Variants in DMD observed in about 807,000 individuals in gnomAD.
DMD encodes mutant dystrophin.
DMD carries 63 observed loss-of-function variants against 330.1 expected under a neutral mutation model. That is an observed-to-expected ratio of 0.19 (90% confidence interval 0.16 to 0.24). The LOEUF (loss-of-function observed/expected upper bound fraction) is 0.24, where lower values mean the gene tolerates loss of function less well. Ranked by LOEUF, DMD falls within the 10% of genes least tolerant of loss-of-function variation. DMD has a pLI of 1.00. For synonymous variants in DMD, 1,223 were observed against 959.8 expected, an observed-to-expected ratio of 1.27 and a Z score of -5.07; for missense variants, 3,344 against 2,684.1, an observed-to-expected ratio of 1.25 and a Z score of -5.43.
chrX:31,779,074 A>G (rs987526701), intron 50 of DMD, among the ~76,000 whole-genome samples: 7 of 111,837 alleles, frequency 6.3e-5, no homozygotes, highest in African/African-American at 2.3e-4. Flanking sequence ...TCACAGTTCT[A>G]AGGGTCAGGC....
rs1477368756 is a variant in DMD, at chrX:33,009,292, ATATGTG to A, written c.93+10841_93+10846del. ...TATATACACATATGTGTATGTGTGT[ATATGTG>A]TATATACACATGTGTGTATATGTGT... On this transcript the variant is annotated intron_variant, in intron 2 of 78. Coordinates refer to ENST00000357033, the MANE Select transcript of DMD (RefSeq NM_004006.3). 9.6e-4 allele frequency among the ~76,000 whole-genome samples: 34 copies of A among 35,291 alleles called. 4 individuals are homozygous for A. The highest frequency in any genetic ancestry group is 2.7e-3 in the African/African-American group (32 of 11,858). The allele number at this position is 35,291 out of a possible 115,157, so 30.6% of individuals were successfully genotyped here.
chrX:31,441,810 A>T (rs1157409687), intron 60 of DMD, among the ~76,000 whole-genome samples: 3 of 111,891 alleles, frequency 2.7e-5, no homozygotes, highest in Non-Finnish European at 1.9e-5. Context: ...TGTGAACCTC[A>T]TTTCTTGCTT....
At chrX:31,622,776 C>T (rs1055912081) in intron 55 of DMD, among the ~76,000 whole-genome samples, 2 of 105,519 alleles carry the variant, frequency 1.9e-5, no homozygotes, top group East Asian at 3.0e-4. Flanking sequence ...TATCACCAGA[C>T]CTAACACCAC....
intron 78 of DMD, among the ~76,000 whole-genome samples, chrX:31,125,620 G>T (rs2033535848): frequency 9.0e-6 from 1 of 111,577 alleles, no homozygotes; most frequent in African/African-American, 3.3e-5. Flanking sequence ...AGACAACCTT[G>T]ATTTTACTTG....
intron 7 of DMD, among the ~76,000 whole-genome samples, chrX:32,724,017 A>C (rs1431254127): frequency 8.9e-6 from 1 of 111,884 alleles, no homozygotes; most frequent in Non-Finnish European, 1.9e-5. Flanking sequence ...ACATCCAGTA[A>C]AAGAATAAAA....
intron 20 of DMD, among the ~76,000 whole-genome samples, chrX:32,485,540 C>T (rs1003086113): frequency 9.2e-6 from 1 of 108,982 alleles, no homozygotes; most frequent in East Asian, 2.9e-4. Context: ...TACATATATA[C>T]CTACATATAT....
At chrX:32,593,683 G>A (rs766258603) in intron 13 of DMD, among the ~76,000 whole-genome samples, 11 of 111,908 alleles carry the variant, frequency 9.8e-5, no homozygotes, top group Middle Eastern at 4.7e-3. Flanking sequence ...AGAACATAAC[G>A]AGTACTTGTT....
intron 2 of DMD, among the ~76,000 whole-genome samples, chrX:32,914,379 C>CTCTCAA (rs2087588872): frequency 8.9e-6 from 1 of 112,081 alleles, no homozygotes; most frequent in East Asian, 2.8e-4. Flanking sequence ...GAGTACTAAG[C>CTCTCAA]GACTCATAGA....
intron 17 of DMD, among the ~76,000 whole-genome samples, chrX:32,541,696 G>A (rs1215891756): frequency 9.0e-6 from 1 of 110,516 alleles, no homozygotes; most frequent in Non-Finnish European, 1.9e-5. Context: ...CTACCTATCA[G>A]ATATTATGCT....
At chrX:33,081,007 C>CAAAAAAAA (rs374907182) in intron 1 of DMD, among the ~76,000 whole-genome samples, 4 of 97,999 alleles carry the variant, frequency 4.1e-5, no homozygotes, top group African/African-American at 1.6e-4. Context: ...CACACACACA[C>CAAAAAAAA]AAAAACACAT....
intron 42 of DMD, among the ~76,000 whole-genome samples, chrX:32,308,453 T>C (rs780448501): frequency 9.9e-5 from 11 of 110,748 alleles, no homozygotes; most frequent in East Asian, 8.6e-4. Context: ...ACATATTCAC[T>C]GAAAAGACTG....
chrX:32,998,680 A>G lies in DMD; in HGVS notation c.93+21459T>C, dbSNP rs560501538. On this transcript the variant is annotated intron_variant, in intron 2 of 78. Transcript: ENST00000357033. ...ACACACACACAAATGCTACATATATATTCTAATTGTTTTATTCATTTTCTG... is the reference window on the plus strand; with the variant it reads ...ACACACACACAAATGCTACATATATGTTCTAATTGTTTTATTCATTTTCTG... Among the ~76,000 whole-genome samples the G allele has an allele frequency of 7.2e-5, 8 of 111,157 alleles. No homozygotes were observed. The South Asian group carries it at 3.0e-3, about 41-fold the overall frequency.
intron 74 of DMD, among the ~76,000 whole-genome samples, chrX:31,160,502 G>A (rs978987344): frequency 7.2e-5 from 8 of 111,483 alleles, no homozygotes; most frequent in African/African-American, 2.6e-4. Context: ...CTATCTCCTA[G>A]ACTGGTTTTC....
Position 32,687,833 on chromosome X carries a change from C to T in DMD, c.960+10037G>A, listed in dbSNP as rs186770018. On this transcript the variant is annotated intron_variant, in intron 9 of 78. Transcript: ENST00000357033. The stretch of plus-strand genomic sequence containing the variant: ...AATAGTTACTGGTGAACAAGGTAAG[C>T]ACACCTGTATTACACAGGTGAGCTA... 4.5e-5 allele frequency among the ~76,000 whole-genome samples: 5 copies of T among 111,312 alleles called. No homozygotes were observed. The East Asian group carries it at 1.4e-3, about 32-fold the overall frequency.
At chrX:32,252,468 C>A (rs755905527) in intron 43 of DMD, among the ~76,000 whole-genome samples, 31 of 104,172 alleles carry the variant, frequency 3.0e-4, no homozygotes, top group African/African-American at 9.8e-4. Flanking sequence ...ACAATGTGTT[C>A]TTTGTTAATT....
At chrX:31,936,051 A>G (rs886415351) in intron 45 of DMD, among the ~76,000 whole-genome samples, 7 of 110,777 alleles carry the variant, frequency 6.3e-5, no homozygotes, top group African/African-American at 9.8e-5. Flanking sequence ...TTATTCTACT[A>G]TGTGTCTCTG....
At chrX:32,642,641 T>G (rs748869307) in intron 11 of DMD, among the ~76,000 whole-genome samples, 1 of 112,281 alleles carries the variant, frequency 8.9e-6, no homozygotes, top group African/African-American at 3.2e-5. Context: ...ATGTTTCAGA[T>G]AAGCAAAGAA....
chrX:32,290,444 CT>C (rs2097462205), intron 42 of DMD, among the ~76,000 whole-genome samples: 1 of 112,164 alleles, frequency 8.9e-6, no homozygotes, highest in African/African-American at 3.2e-5. Context: ...ATGGCAAAAG[CT>C]TTTTTGTTGA....
chrX:32,169,542 A>G (rs2147334396), intron 44 of DMD, among the ~76,000 whole-genome samples: 1 of 111,908 alleles, frequency 8.9e-6, no homozygotes, highest in Admixed American at 9.5e-5. Flanking sequence ...TCATAACAGG[A>G]GGTTTCTAGA....
Sources: allele counts gnomAD v4.1 joint callset (sites outside exome capture counted in the v4.1 genomes callset), GRCh38; gene constraint gnomAD v4.1.1; transcripts MANE v1.5; gene names NCBI Gene and HGNC (gene_info 2026-07-23, HGNC 2026-07-21).